The following PCDHA1 variants were observed in gnomAD, a reference collection of about 807,000 sequenced individuals.
PCDHA1 encodes the protein protocadherin alpha-1.
Under a neutral mutation model 61.3 loss-of-function variants are expected in PCDHA1, and 42 were observed. The observed-to-expected ratio is 0.69, with a 90% CI of 0.54 to 0.89. PCDHA1 has a LOEUF of 0.89. Among genes scored for constraint, PCDHA1 ranks in the 40% least tolerant of loss-of-function variants. The pLI is 0.00. For synonymous variants in PCDHA1, 610 were observed against 553.8 expected (o/e 1.10, Z -1.43); for missense variants, 1,256 against 1,235.3 (o/e 1.02, Z -0.25).
chr5:140,986,308 A>G (rs1399323765), intron 3 of PCDHA1, among the ~76,000 whole-genome samples: 1 of 152,162 alleles, frequency 6.6e-6, no homozygotes, highest in African/African-American at 2.4e-5. Context: ...AGAGAAAATT[A>G]GCTAAATCAG....
chr5:140,975,759 A>G (rs1420459945), intron 1 of PCDHA1, among the ~76,000 whole-genome samples: 1 of 152,248 alleles, frequency 6.6e-6, no homozygotes, highest in Non-Finnish European at 1.5e-5. Context: ...TCTATGTCAT[A>G]AATCACAGAT....
At chr5:140,827,880 A>G in intron 1 of PCDHA1, 1 of 665,040 alleles carries the variant, frequency 1.5e-6, no homozygotes, top group Non-Finnish European at 2.6e-6. Context: ...TGTTACGTGA[A>G]TTGATTTCTT....
intron 1 of PCDHA1, chr5:140,858,010 C>T (rs1554151006): frequency 1.3e-6 from 2 of 1,596,376 alleles, no homozygotes; most frequent in South Asian, 1.1e-5. Flanking sequence ...AGGACCATGG[C>T]GAGCCGTCGC....
rs141258804 is a variant in PCDHA1, at chr5:140,857,118, C to T, written c.2394+68434C>T. ...GTGATTGTCACTTCTCTGTCTCTCC[C>T]AGTGAAAGAAGATGCTCAAGTGGGC... On this transcript the variant is annotated intron_variant, in intron 1 of 3. Transcript: ENST00000504120. 2.7e-5 allele frequency: 43 copies of T among 1,597,878 alleles called. 6 individuals are homozygous for T. Among genetic ancestry groups the T allele is most frequent in the Non-Finnish European group, 3.3e-5 (38 of 1,167,604 alleles).
At chr5:140,927,989 A>T (rs2084847354) in intron 1 of PCDHA1, 1 of 1,614,208 alleles carries the variant, frequency 6.2e-7, no homozygotes, top group African/African-American at 1.3e-5. Flanking sequence ...AGTGTAAAGG[A>T]TGAAGACCTC....
intron 1 of PCDHA1, chr5:140,834,613 TA>T: frequency 6.2e-6 from 10 of 1,614,054 alleles, no homozygotes; most frequent in Non-Finnish European, 8.5e-6. Flanking sequence ...CTTCTGGAGG[TA>T]AATCTGCAGA....
intron 1 of PCDHA1, among the ~76,000 whole-genome samples, chr5:140,951,868 G>A (rs1325001328): frequency 2.6e-5 from 4 of 152,132 alleles, no homozygotes; most frequent in African/African-American, 9.7e-5. Flanking sequence ...AGTCTCATCT[G>A]AGACAAGGCA....
Position 140,842,658 on chromosome 5 carries a change from C to G in PCDHA1, c.2394+53974C>G, listed in dbSNP as rs2150341323. 21 of 1,595,206 alleles carry G rather than the reference C, an allele frequency of 1.3e-5. 2 individuals are homozygous for G. The highest frequency in any genetic ancestry group is 2.7e-5 in the African/African-American group (2 of 74,162). On this transcript the variant is annotated intron_variant, in intron 1 of 3. Transcript: ENST00000504120. ...ACCGCCAGCTTGTCTGTGGAGGTGG[C>G]CGACGTGAACGACAATGCTCCGGCG...
chr5:140,969,506 G>T, intron 1 of PCDHA1: 1 of 1,427,058 alleles, frequency 7.0e-7, no homozygotes, highest in Non-Finnish European at 9.3e-7. Flanking sequence ...TAGAAAAATA[G>T]CACTAAAGAA....
chr5:140,903,049 A>G (rs2069961526), intron 1 of PCDHA1, among the ~76,000 whole-genome samples: 1 of 152,080 alleles, frequency 6.6e-6, no homozygotes, highest in Non-Finnish European at 1.5e-5. Flanking sequence ...TTTTCATGTA[A>G]TGACTTCTTT....
intron 1 of PCDHA1, among the ~76,000 whole-genome samples, chr5:140,963,606 G>A (rs79307503): frequency 0.011 from 1,749 of 152,250 alleles, 32 homozygotes; most frequent in African/African-American, 0.039. Context: ...AGACGTAATT[G>A]GGAAAGCTTA....
chr5:140,936,674 T>C (rs1410690822), intron 1 of PCDHA1, among the ~76,000 whole-genome samples: 6 of 152,228 alleles, frequency 3.9e-5, no homozygotes, highest in African/African-American at 1.4e-4. Context: ...GGACTGTCTA[T>C]TCTGTTTCAT....
rs1554118289 is a variant in PCDHA1 at position 140,788,567 on chromosome 5, C to T, written c.2277C>T (p.Cys759=). The change falls in exon 1 of 4, where the codon TGC becomes TGT. Residue 759 remains cysteine, a synonymous_variant. Coordinates refer to ENST00000504120, the MANE Select transcript of PCDHA1 (RefSeq NM_018900.4). ...SNSQQRRQRV[C]SSEGPPKTDL... ...CACAGCAGAGGCGGCAGAGGGTGTGCTCTAGCGAGGGCCCACCCAAGACCG... is the reference window on the plus strand; with the variant it reads ...CACAGCAGAGGCGGCAGAGGGTGTGTTCTAGCGAGGGCCCACCCAAGACCG... The T allele has an allele frequency of 1.2e-6, 2 of 1,614,154 alleles. No individual in the cohort carries two copies. Among genetic ancestry groups the T allele is most frequent in the Non-Finnish European group, 1.7e-6 (2 of 1,179,990 alleles).
In PCDHA1 at chr5:140,822,644, C is replaced by A. The variant is rs1183246252; in HGVS notation, c.2394+33960C>A. On this transcript the variant is annotated intron_variant, in intron 1 of 3. Transcript: ENST00000504120. ...AATCTTGTTCTTGACGATGTAAAGTCCAAATTTATAATTAATTCTAATACT... is the reference window on the plus strand; with the variant it reads ...AATCTTGTTCTTGACGATGTAAAGTACAAATTTATAATTAATTCTAATACT... 5 of 1,610,170 alleles carry A rather than the reference C, an allele frequency of 3.1e-6. No individual in the cohort carries two copies. The highest frequency in any genetic ancestry group is 4.2e-6 in the Non-Finnish European group (5 of 1,177,610).
intron 1 of PCDHA1, among the ~76,000 whole-genome samples, chr5:140,820,925 C>G (rs1554127950): frequency 1.3e-5 from 2 of 151,812 alleles, no homozygotes; most frequent in Non-Finnish European, 2.9e-5. Flanking sequence ...CTTTTGATTT[C>G]TAGAAAGCTG....
In PCDHA1 at chr5:140,788,269, C is replaced by G. The variant is rs1761453551; in HGVS notation, c.1979C>G (p.Thr660Arg). 1.2e-6 allele frequency: 2 copies of G among 1,613,864 alleles called. No homozygotes were observed. The highest frequency in any genetic ancestry group is 2.7e-5 in the African/African-American group (2 of 74,930). The change falls in exon 1 of 4, where the codon ACA becomes AGA. Residue 660 changes from threonine to arginine, a missense_variant. Physicochemically the swap from Thr to Arg is moderately conservative, Grantham distance 71 (BLOSUM62 -1). Coordinates refer to ENST00000504120, the MANE Select transcript of PCDHA1 (RefSeq NM_018900.4). The part of the protein sequence containing the change: ...LVKDHGEPAL[T>R]ATATVLVSLV... ...AAGGATCACGGTGAGCCGGCGCTGACAGCCACGGCCACTGTGCTTGTATCT... is the reference window on the plus strand; with the variant it reads ...AAGGATCACGGTGAGCCGGCGCTGAGAGCCACGGCCACTGTGCTTGTATCT...
intron 1 of PCDHA1, among the ~76,000 whole-genome samples, chr5:140,959,312 C>G (rs2095480226): frequency 6.6e-6 from 1 of 151,968 alleles, no homozygotes; most frequent in South Asian, 2.1e-4. Flanking sequence ...GTGGTTGAAG[C>G]TGCAATAAGT....
intron 1 of PCDHA1, chr5:140,967,345 CGAGCTG>C (rs1443872198): frequency 1.2e-6 from 2 of 1,607,634 alleles, no homozygotes; most frequent in Non-Finnish European, 1.7e-6. Context: ...GCGAGCACTT[CGAGCTG>C]GACCTTAAGC....
At chr5:140,835,436 T>A in intron 1 of PCDHA1, 1 of 1,613,890 alleles carries the variant, frequency 6.2e-7, no homozygotes, top group Non-Finnish European at 8.5e-7. Context: ...CACAGTTGAC[T>A]CTCACTTCCC....
Sources: allele counts gnomAD v4.1 joint callset (sites outside exome capture counted in the v4.1 genomes callset), GRCh38; gene constraint gnomAD v4.1.1; transcripts MANE v1.5; gene names NCBI Gene and HGNC (gene_info 2026-07-23, HGNC 2026-07-21).